Variants in CCDC171 observed in about 807,000 individuals in gnomAD.
CCDC171 encodes the protein coiled-coil domain containing 171.
CCDC171 carries 177 observed loss-of-function variants against 168.2 expected under a neutral mutation model. The observed-to-expected ratio is 1.05, with a 90% CI of 0.93 to 1.19. CCDC171 has a LOEUF of 1.19. CCDC171 is among the 50% of genes most tolerant of loss of function. The pLI, the probability that CCDC171 is intolerant of heterozygous loss-of-function variation, is 0.00. For synonymous variants in CCDC171, 687 were observed against 540.8 expected, an observed-to-expected ratio of 1.27 and a Z score of -3.75; for missense variants, 1,991 against 1,539.0, an observed-to-expected ratio of 1.29 and a Z score of -4.91.
rs192507691 is a variant in CCDC171, at chr9:15,992,102, C to G, written n.369-28487C>G. ...TATGAGGCCAGCATCATCCTGATAC[C>G]AAAGCCTGGCAGAGACACAACAAAA... On this transcript the variant is annotated intron_variant and non_coding_transcript_variant, in intron 3 of 9. Coordinates refer to the CCDC171 transcript ENST00000486641. Among the ~76,000 whole-genome samples, 146 of 152,212 alleles carry G rather than the reference C, an allele frequency of 9.6e-4. 1 individual carries two copies. The highest frequency in any genetic ancestry group is 3.4e-3 in the African/African-American group (140 of 41,516).
chr9:16,053,619 C>G (rs1457099316), intron 1 of CCDC171, among the ~76,000 whole-genome samples: 1 of 152,216 alleles, frequency 6.6e-6, no homozygotes, highest in Non-Finnish European at 1.5e-5. Context: ...CCGCTGTCAA[C>G]CTGCCTCCTG....
At chr9:16,061,780 G>T (rs930957281), downstream of CCDC171, 1 of 152,168 alleles carries the variant, frequency 6.6e-6, no homozygotes, top group Non-Finnish European at 1.5e-5. Context: ...TAAGGAGACT[G>T]AGTCTTAGAG....
chr9:15,729,609 G>A lies in CCDC171; in HGVS notation c.1861-1G>A, dbSNP rs777752793. 5 of 1,602,614 alleles carry A rather than the reference G, an allele frequency of 3.1e-6. No individual in the cohort carries two copies. Among genetic ancestry groups the A allele is most frequent in the Non-Finnish European group, 4.3e-6 (5 of 1,172,654 alleles). On this transcript the variant is annotated splice_acceptor_variant, in intron 15 of 25. Coordinates refer to ENST00000380701, the MANE Select transcript of CCDC171 (RefSeq NM_173550.4). LOFTEE classifies it high-confidence loss of function. ...CTTCTCTGTTGCATCTCCCCGTATA[G>A]ATAAGGCATCTAGAGTATATCTGTA...
At chr9:15,912,141 G>T (rs772418745) in intron 24 of CCDC171, among the ~76,000 whole-genome samples, 3 of 152,208 alleles carry the variant, frequency 2.0e-5, no homozygotes, top group South Asian at 2.1e-4. Flanking sequence ...ACTTTGGGCA[G>T]TATAGCCATT....
intron 21 of CCDC171, among the ~76,000 whole-genome samples, chr9:15,795,274 C>G (rs1351316378): frequency 6.6e-6 from 1 of 152,140 alleles, no homozygotes; most frequent in Non-Finnish European, 1.5e-5. Flanking sequence ...TAATTTATAA[C>G]TAACTCACTC....
At chr9:15,657,030 A>G in intron 7 of CCDC171, 97 bp from the exon 8 acceptor site, 2 of 534,814 alleles carry the variant, frequency 3.7e-6, no homozygotes, top group Non-Finnish European at 6.3e-6. Context: ...CTGCAAGTCC[A>G]CTAATCTAAA....
rs1209249568 is a variant in CCDC171 at position 15,699,762 on chromosome 9, T to A, written c.1318+4425T>A. Among the ~76,000 whole-genome samples, 3 of 152,148 alleles carry A rather than the reference T, an allele frequency of 2.0e-5. No individual in the cohort carries two copies. The East Asian group carries it at 5.8e-4, about 29-fold the overall frequency. ...TGCCGATTGGTGTATTTACAATCCC[T>A]GAGCTAGACATAAAGGTTCTCCAAG... On this transcript the variant is annotated intron_variant, in intron 11 of 25. Transcript: ENST00000380701.
chr9:16,046,466 A>G (rs1053850922), intron 1 of CCDC171, among the ~76,000 whole-genome samples: 1 of 152,220 alleles, frequency 6.6e-6, no homozygotes, highest in Non-Finnish European at 1.5e-5. Flanking sequence ...AGTTCTCAAA[A>G]TAGCCAAATT....
chr9:15,958,296 T>C (rs1016983867), intron 25 of CCDC171, among the ~76,000 whole-genome samples: 14 of 152,110 alleles, frequency 9.2e-5, no homozygotes, highest in African/African-American at 3.1e-4. Flanking sequence ...CTTACTGTGA[T>C]GATAGAAATA....
At chr9:15,984,581 A>G (rs1032906638) in intron 3 of CCDC171, among the ~76,000 whole-genome samples, 2 of 152,158 alleles carry the variant, frequency 1.3e-5, no homozygotes, top group Non-Finnish European at 2.9e-5. Flanking sequence ...TCTGTGTGAT[A>G]TGCGTCATGG....
At chr9:15,782,184 T>A (rs1461569316) in intron 20 of CCDC171, among the ~76,000 whole-genome samples, 1 of 152,234 alleles carries the variant, frequency 6.6e-6, no homozygotes, top group African/African-American at 2.4e-5. Context: ...AAACAGCTTC[T>A]TTATAGTTGG....
At chr9:15,945,886 T>G (rs1589209565) in intron 25 of CCDC171, among the ~76,000 whole-genome samples, 1 of 150,650 alleles carries the variant, frequency 6.6e-6, no homozygotes, top group Non-Finnish European at 1.5e-5. Flanking sequence ...TTAGTTTAAT[T>G]AGATCCCATT....
intron 23 of CCDC171, among the ~76,000 whole-genome samples, chr9:15,864,777 G>T (rs948149757): frequency 1.3e-5 from 2 of 152,088 alleles, no homozygotes; most frequent in Non-Finnish European, 2.9e-5. Flanking sequence ...CTAATAGAGA[G>T]ATATCTCAGT....
At chr9:16,035,146 A>G (rs934509040) in intron 6 of CCDC171, among the ~76,000 whole-genome samples, 2 of 152,232 alleles carry the variant, frequency 1.3e-5, no homozygotes, top group African/African-American at 2.4e-5. Flanking sequence ...TTTTGACTGC[A>G]GCTCTCAGCT....
intron 18 of CCDC171, among the ~76,000 whole-genome samples, chr9:15,749,161 G>A (rs1212267194): frequency 1.3e-5 from 2 of 151,112 alleles, no homozygotes; most frequent in Non-Finnish European, 2.9e-5. Context: ...AAAAAAGCAG[G>A]TGTTGCTATT....
At chr9:15,966,883 A>G (rs989861879) in intron 25 of CCDC171, among the ~76,000 whole-genome samples, 2 of 149,606 alleles carry the variant, frequency 1.3e-5, no homozygotes, top group Non-Finnish European at 1.5e-5. Flanking sequence ...ATGATAGCAG[A>G]TGTGTGTGTG....
rs966373156 is a variant in CCDC171 at position 15,644,377 on chromosome 9, G to A, written c.823-12750G>A. On this transcript the variant is annotated intron_variant, in intron 7 of 25. Transcript: ENST00000380701. ...GAGGTACTGGGTTCATCTCACTGGG[G>A]CTTGTCAGATGGTGGGTGCAGGACA... 7.2e-5 allele frequency among the ~76,000 whole-genome samples: 11 copies of A among 152,148 alleles called. No homozygotes were observed. The South Asian group carries it at 1.0e-3, about 14-fold the overall frequency.
At chr9:15,615,199 C>A (rs571877853) in intron 6 of CCDC171, among the ~76,000 whole-genome samples, 1 of 151,956 alleles carries the variant, frequency 6.6e-6, no homozygotes, top group Non-Finnish European at 1.5e-5. Context: ...TAATGTCAGG[C>A]GGGTTTAACA....
chr9:15,989,524 C>T lies in CCDC171; in HGVS notation n.369-31065C>T, dbSNP rs556723450. ...AAATTCTAAAAATCCGAGGGCCTCT[C>T]CCCCTCCAAAGGAACGCAGCTCCTT... On this transcript the variant is annotated intron_variant and non_coding_transcript_variant, in intron 3 of 9. Transcript: ENST00000486641. Among the ~76,000 whole-genome samples the T allele has an allele frequency of 2.6e-5, 4 of 152,296 alleles. No homozygotes were observed. The East Asian group carries it at 5.8e-4, about 22-fold the overall frequency.
Sources: allele counts gnomAD v4.1 joint callset (sites outside exome capture counted in the v4.1 genomes callset), GRCh38; gene constraint gnomAD v4.1.1; transcripts MANE v1.5; gene names NCBI Gene and HGNC (gene_info 2026-07-23, HGNC 2026-07-21).